Variants in PAPOLA observed in about 807,000 individuals in gnomAD.
PAPOLA encodes the protein poly(A) polymerase alpha.
In PAPOLA, 15 loss-of-function variants were observed where a neutral mutation model predicts 100.6. The observed-to-expected ratio is 0.15, with a 90% CI of 0.10 to 0.23. The LOEUF is 0.23. Ranked by LOEUF, PAPOLA falls within the 10% of genes least tolerant of loss-of-function variation. The pLI, the probability that PAPOLA is intolerant of heterozygous loss-of-function variation, is 1.00. For synonymous variants in PAPOLA, 293 were observed against 300.0 expected, an observed-to-expected ratio of 0.98 and a Z score of 0.24; for missense variants, 533 against 884.2, an observed-to-expected ratio of 0.60 and a Z score of 5.04.
intron 7 of PAPOLA, 45 bp downstream of exon 7, chr14:96,531,631 G>A (rs375962040): frequency 6.4e-7 from 1 of 1,560,520 alleles, no homozygotes; most frequent in Non-Finnish European, 8.7e-7. Flanking sequence ...GTTTTTGTCA[G>A]ATATTAGTTG....
At chr14:96,563,888 GCCACATA>G (rs1279228391) in intron 21 of PAPOLA, among the ~76,000 whole-genome samples, 4 of 151,854 alleles carry the variant, frequency 2.6e-5, no homozygotes, top group African/African-American at 9.7e-5. Context: ...TTTTTGGTTT[GCCACATA>G]CTCTCGGGAC....
chr14:96,533,548 T>TTC, intron 9 of PAPOLA: 3 of 240,772 alleles, frequency 1.2e-5, no homozygotes, highest in African/African-American at 1.5e-4. Flanking sequence ...CAGAATTTCT[T>TTC]TTTTTTTTTT....
intron 10 of PAPOLA, chr14:96,534,803 CATTTT>C (rs1304016160): frequency 3.1e-5 from 39 of 1,265,702 alleles, no homozygotes; most frequent in African/African-American, 7.6e-5. Flanking sequence ...ATTTTACTAA[CATTTT>C]AATTTATTCT....
chr14:96,520,346 ATC>A (rs2140254227), intron 2 of PAPOLA, 118 bp downstream of exon 2: 1 of 748,994 alleles, frequency 1.3e-6, no homozygotes, highest in Non-Finnish European at 2.1e-6. Flanking sequence ...AGATCTATAT[ATC>A]TGTTTTGGAG....
rs1179249082 is a variant in PAPOLA at position 96,531,563 on chromosome 14, T to C, written c.584T>C (p.Ile195Thr). The change falls in exon 7 of 22, where the codon ATA (isoleucine) becomes ACA (threonine). Residue 195 changes from isoleucine (I) to threonine (T), a missense_variant. Ile to Thr is a moderately conservative substitution (Grantham distance 89). Coordinates refer to ENST00000216277, the MANE Select transcript of PAPOLA (RefSeq NM_032632.5). ...RDDSLLKNLD[I>T]RCIRSLNGCR... ...GACAGTCTGCTAAAAAATTTAGATA[T>C]AAGATGTATAAGAAGTCTTAACGGT... The C allele has an allele frequency of 1.2e-6, 2 of 1,606,224 alleles. No homozygotes were observed. Among genetic ancestry groups the C allele is most frequent in the Non-Finnish European group, 1.7e-6 (2 of 1,174,700 alleles).
intron 13 of PAPOLA, 40 bp from the exon 14 acceptor site, chr14:96,542,734 A>T (rs1182007794): frequency 1.3e-6 from 2 of 1,565,886 alleles, no homozygotes; most frequent in Non-Finnish European, 1.7e-6. Flanking sequence ...TTTTTAAGTT[A>T]ACCAAAACTT....
At chr14:96,564,838 A>G (rs1323835499) in intron 21 of PAPOLA, 117 bp from the exon 22 acceptor site, 1 of 622,034 alleles carries the variant, frequency 1.6e-6, no homozygotes, top group African/African-American at 1.8e-5. Context: ...AGAGTTTTTA[A>G]ATTTGTAATA....
intron 1 of PAPOLA, among the ~76,000 whole-genome samples, chr14:96,505,836 A>G (rs1490416026): frequency 2.0e-5 from 3 of 152,218 alleles, no homozygotes; most frequent in Non-Finnish European, 4.4e-5. Context: ...TCATAGGAAC[A>G]ATCAAGGCAG....
chr14:96,512,959 A>G (rs1897204061), intron 1 of PAPOLA, among the ~76,000 whole-genome samples: 1 of 152,198 alleles, frequency 6.6e-6, no homozygotes, highest in South Asian at 2.1e-4. Flanking sequence ...GCTCATTTCA[A>G]GCTTATTTCT....
In PAPOLA at chr14:96,525,534, G is replaced by GAAAAATTGTAA. The variant is rs1431460259; in HGVS notation, c.331+146_331+147insAATTGTAAAAA. 5.9e-6 allele frequency: 3 copies of GAAAAATTGTAA among 505,868 alleles called. No homozygotes were observed. The East Asian group carries it at 1.1e-4, about 18-fold the overall frequency. The allele number at this position is 505,868 out of a possible 1,614,324, so 31.3% of individuals were successfully genotyped here. A position where few individuals can be genotyped will look rare whatever the true frequency, so the allele number is the denominator to read the frequency against. On this transcript the variant is annotated intron_variant, in intron 4 of 21. Transcript: ENST00000216277. ...TTGAGGAGTCTAAATTTTTCAGTAA[G>GAAAAATTGTAA]AAAGATGTAAAATAATGCTGACTTC...
intron 20 of PAPOLA, among the ~76,000 whole-genome samples, chr14:96,562,093 C>T (rs1396794983): frequency 2.0e-5 from 3 of 152,000 alleles, no homozygotes; most frequent in African/African-American, 7.3e-5. Flanking sequence ...GGGGTTTCAC[C>T]ATGTTGGCCA....
intron 3 of PAPOLA, among the ~76,000 whole-genome samples, chr14:96,523,741 G>A (rs1386775325): frequency 6.6e-6 from 1 of 152,132 alleles, no homozygotes; most frequent in Non-Finnish European, 1.5e-5. Context: ...TCAAGAGTTC[G>A]AGACAAGCCT....
intron 17 of PAPOLA, chr14:96,552,872 C>A (rs1393175907): frequency 2.1e-5 from 9 of 434,508 alleles, no homozygotes; most frequent in Non-Finnish European, 3.3e-5. Context: ...AGCACATAAC[C>A]CCTCCAAATT....
chr14:96,537,846 A>G (rs1435071309), intron 12 of PAPOLA: 1 of 151,938 alleles, frequency 6.6e-6, no homozygotes, highest in Non-Finnish European at 1.5e-5. Flanking sequence ...GTTTTGTAAT[A>G]ATCTAAGCAA....
chr14:96,510,894 T>C (rs1377094478), intron 1 of PAPOLA, among the ~76,000 whole-genome samples: 1 of 152,206 alleles, frequency 6.6e-6, no homozygotes, highest in African/African-American at 2.4e-5. Context: ...AAAAAGGAGA[T>C]TGTATTATTT....
At chr14:96,527,247 T>C (rs1287397615) in intron 4 of PAPOLA, 183 bp from the exon 5 acceptor site, 11 of 577,218 alleles carry the variant, frequency 1.9e-5, no homozygotes, top group South Asian at 1.1e-4. Context: ...GATCAAAATA[T>C]ACCACATCAA....
chr14:96,523,804 G>A (rs113567101), intron 3 of PAPOLA, among the ~76,000 whole-genome samples: 6,609 of 152,192 alleles, frequency 0.043, 203 homozygotes, highest in South Asian at 0.11. Flanking sequence ...TTAGCTGGGC[G>A]TGGTAGTGCG....
chr14:96,533,171 G>A, intron 9 of PAPOLA: 1 of 984,088 alleles, frequency 1.0e-6, no homozygotes, highest in East Asian at 1.1e-4. Flanking sequence ...CATTAACCCA[G>A]ATTTTTTTAA....
At chr14:96,531,660 A>T in intron 7 of PAPOLA, 74 bp downstream of exon 7, 1 of 1,545,076 alleles carries the variant, frequency 6.5e-7, no homozygotes, top group African/African-American at 1.4e-5. Flanking sequence ...CAAGTTTTGT[A>T]TTGAAGCTTT....
Sources: gnomAD v4.1 joint callset for allele counts (sites outside exome capture counted in the v4.1 genomes callset) on GRCh38, gnomAD v4.1.1 for gene constraint, MANE v1.5 for transcripts, NCBI Gene and HGNC (gene_info 2026-07-23, HGNC 2026-07-21) for gene names.